PAOX: variants seen among roughly 807,000 people sequenced by gnomAD.
The protein encoded by PAOX is peroxisomal N(1)-acetyl-spermine/spermidine oxidase.
Under a neutral mutation model 39.0 loss-of-function variants are expected in PAOX, and 38 were observed. The observed-to-expected ratio is 0.97, with a 90% CI of 0.75 to 1.28. The LOEUF (loss-of-function observed/expected upper bound fraction) is 1.28, where lower values mean the gene tolerates loss of function less well. Ranked by LOEUF, PAOX falls within the 50% of genes most tolerant of loss-of-function variation. The pLI is 0.00. For synonymous variants in PAOX, 311 were observed against 314.4 expected, an observed-to-expected ratio of 0.99 and a Z score of 0.11; for missense variants, 667 against 685.7, an observed-to-expected ratio of 0.97 and a Z score of 0.30.
rs1200810311 is a variant in PAOX at position 133,384,600 on chromosome 10, G to A, written c.1121+388G>A. ...CTTAAATGGGATGAAATAATTGAAG[G>A]AAACATTCCGAGAAGTAATGGAATG... On this transcript the variant is annotated intron_variant, in intron 4 of 6. Transcript: ENST00000278060. The surrounding 1 kb of genome is among the most constrained non-coding windows in gnomAD (Gnocchi z 4.3). Among the ~76,000 whole-genome samples the A allele has an allele frequency of 6.6e-6, 1 of 152,176 alleles. No individual in the cohort carries two copies. Among genetic ancestry groups the A allele is most frequent in the Non-Finnish European group, 1.5e-5 (1 of 68,034 alleles).
intron 6 of PAOX, 148 bp downstream of exon 6, chr10:133,389,895 T>C (rs896019778): frequency 1.6e-4 from 147 of 929,174 alleles, no homozygotes; most frequent in Non-Finnish European, 2.2e-4. Flanking sequence ...GAATAATTTT[T>C]AAATGTACTG....
chr10:133,383,710 A>G (rs7899476), intron 3 of PAOX, among the ~76,000 whole-genome samples: 12,139 of 152,278 alleles, frequency 0.08, 711 homozygotes, highest in African/African-American at 0.16. Flanking sequence ...TTGGGAGGCC[A>G]AAGTGGGAGG....
chr10:133,380,152 C>T lies in PAOX; in HGVS notation c.335C>T (p.Ser112Phe). 1.2e-6 allele frequency: 2 copies of T among 1,603,618 alleles called. No individual in the cohort carries two copies. The highest frequency in any genetic ancestry group is 1.7e-6 in the Non-Finnish European group (2 of 1,174,228). The change falls in exon 2 of 7, where the codon TCC becomes TTC. Residue 112 changes from serine (S) to phenylalanine (F), a missense_variant. Physicochemically the swap from Ser to Phe is radical, Grantham distance 155 (BLOSUM62 -2). Transcript: ENST00000278060. ...ACCGGGGGTCACGTGGGCCTGCCCTCCGTGAGCTACGCCAGCTCCGGGGCC... is the reference window on the plus strand; with the variant it reads ...ACCGGGGGTCACGTGGGCCTGCCCTTCGTGAGCTACGCCAGCTCCGGGGCC... ...VETGGHVGLP[S>F]VSYASSGASV...
In PAOX at chr10:133,379,348, C is replaced by T; in HGVS notation, c.32C>T (p.Pro11Leu). 1 of 1,217,918 alleles carries T rather than the reference C, an allele frequency of 8.2e-7. No individual in the cohort carries two copies. 75.4% of individuals were successfully genotyped at this position (1,217,918 alleles called of 1,614,324 possible). Residue 11 changes from proline to leucine, a missense_variant, in exon 1 of 7, where the codon CCG becomes CTG. Physicochemically the swap from Pro to Leu is moderately conservative, Grantham distance 98. Coordinates refer to ENST00000278060, the MANE Select transcript of PAOX (RefSeq NM_152911.4). ...TCGACCGGCAGCGTCGGGGAGGCCC[C>T]GGGCGGACCCCGGGTGCTGGTGGTG... MESTGSVGEA[P>L]GGPRVLVVGG...
At chr10:133,390,126 T>C (rs74164173) in intron 6 of PAOX, among the ~76,000 whole-genome samples, 1 of 151,924 alleles carries the variant, frequency 6.6e-6, no homozygotes, top group Non-Finnish European at 1.5e-5. Flanking sequence ...CATACTAAAG[T>C]AGGGAGAACC....
intron 5 of PAOX, 98 bp downstream of exon 5, chr10:133,389,166 T>C: frequency 1.0e-6 from 1 of 971,702 alleles, no homozygotes; most frequent in South Asian, 1.3e-5. Flanking sequence ...AAACTAAATT[T>C]GGCTGACTCT....
intron 3 of PAOX, among the ~76,000 whole-genome samples, chr10:133,383,341 G>A (rs1324803874): frequency 2.0e-5 from 3 of 152,148 alleles, no homozygotes; most frequent in Non-Finnish European, 4.4e-5. Context: ...GGTGGCTCAC[G>A]CCTGTAATCC....
rs1849484888 is a variant in PAOX, at chr10:133,384,549, A to G, written c.1121+337A>G. Among the ~76,000 whole-genome samples the G allele has an allele frequency of 6.6e-6, 1 of 152,204 alleles. No homozygotes were observed. ...AGATACAGAAGAACTTTGAAACACC[A>G]TCTGCCCATACGTGGGGAGACAATA... On this transcript the variant is annotated intron_variant, in intron 4 of 6. Coordinates refer to ENST00000278060, the MANE Select transcript of PAOX (RefSeq NM_152911.4). This position sits in a 1 kb window ranked among gnomAD's most constrained non-coding sequence, Gnocchi z 4.3.
intron 4 of PAOX, among the ~76,000 whole-genome samples, chr10:133,385,521 T>A (rs1374226126): frequency 1.3e-5 from 2 of 152,172 alleles, no homozygotes; most frequent in Non-Finnish European, 2.9e-5. Flanking sequence ...TGCAAAGGGT[T>A]GGGGATCTCA....
Position 133,380,328 on chromosome 10 carries a change from A to G in PAOX, c.511A>G (p.Thr171Ala), listed in dbSNP as rs1589890426. The G allele has an allele frequency of 6.2e-7, 1 of 1,612,764 alleles. No homozygotes were observed. Among genetic ancestry groups the G allele is most frequent in the Non-Finnish European group, 8.5e-7 (1 of 1,180,028 alleles). The stretch of plus-strand genomic sequence containing the variant: ...GATTGGCCAGCACGTGGCCGGCTGG[A>G]CAGAGGATGAGGAGACCAGGAAGCT... ...KEIGQHVAGWTEDEETRKLKL... is the reference protein window; with the variant it reads ...KEIGQHVAGWAEDEETRKLKL... Residue 171 changes from threonine (T) to alanine (A), a missense_variant, in exon 2 of 7, where the codon ACA becomes GCA. Physicochemically the swap from Thr to Ala is moderately conservative, Grantham distance 58. Transcript: ENST00000278060.
At chr10:133,390,730 T>G (rs1360802296) in intron 6 of PAOX, 6 of 560,604 alleles carry the variant, frequency 1.1e-5, no homozygotes, top group South Asian at 8.8e-5. Context: ...AAATGTTGCT[T>G]CTTGAGTTTT....
intron 4 of PAOX, among the ~76,000 whole-genome samples, chr10:133,386,901 A>T (rs191235507): frequency 2.0e-4 from 30 of 152,342 alleles, no homozygotes; most frequent in African/African-American, 5.8e-4. Flanking sequence ...ACACCAGTGA[A>T]TTTTTTGTCT....
In PAOX at chr10:133,384,667, T is replaced by C. The variant is rs1406724207; in HGVS notation, c.1121+455T>C. Among the ~76,000 whole-genome samples, 8 of 152,204 alleles carry C rather than the reference T, an allele frequency of 5.3e-5. No homozygotes were observed. The highest frequency in any genetic ancestry group is 7.4e-5 in the Non-Finnish European group (5 of 68,024). On this transcript the variant is annotated intron_variant, in intron 4 of 6. Transcript: ENST00000278060. This position sits in a 1 kb window ranked among gnomAD's most constrained non-coding sequence, Gnocchi z 4.3. ...AGGGCTCCCTTGTATGGGCTGGCCCTCTTAGAAACAGCATATCTAGACCAC... is the reference window on the plus strand; with the variant it reads ...AGGGCTCCCTTGTATGGGCTGGCCCCCTTAGAAACAGCATATCTAGACCAC...
At chr10:133,381,740 G>A (rs982635467) in intron 3 of PAOX, 81 bp downstream of exon 3, 172 of 1,406,980 alleles carry the variant, frequency 1.2e-4, no homozygotes, top group Non-Finnish European at 1.2e-4. Context: ...GCTCTGGGGC[G>A]TTTGCTTGTG....
chr10:133,379,795 C>T (rs1048073629), intron 1 of PAOX: 10 of 661,988 alleles, frequency 1.5e-5, no homozygotes, highest in Admixed American at 7.4e-5. Context: ...CTCTGGTCCA[C>T]ACCGCCCGAC....
At chr10:133,389,462 C>T in intron 5 of PAOX, 128 bp from the exon 6 acceptor site, 2 of 1,361,812 alleles carry the variant, frequency 1.5e-6, no homozygotes, top group Admixed American at 1.9e-5. Flanking sequence ...CTGACACACT[C>T]TGCTGCTCAC....
Position 133,391,293 on chromosome 10 carries a change from C to T in PAOX, c.1393-19C>T, listed in dbSNP as rs1344469572. ...TGTCTGAATTGCATCCCCATTCTAA[C>T]CCTGGCTCTTCTTTGCAGCTCCAGA... On this transcript the variant is annotated intron_variant, in intron 6 of 6. Transcript: ENST00000278060. 6.2e-7 allele frequency: 1 copy of T among 1,610,798 alleles called. No homozygotes were observed. Among genetic ancestry groups the T allele is most frequent in the Non-Finnish European group, 8.5e-7 (1 of 1,177,602 alleles).
chr10:133,379,484 G>T lies in PAOX; in HGVS notation c.168G>T (p.Ser56=), dbSNP rs1849290152. Residue 56 remains serine (S), a synonymous_variant, in exon 1 of 7, where the codon TCG becomes TCT. Coordinates refer to ENST00000278060, the MANE Select transcript of PAOX (RefSeq NM_152911.4). ...ATARAGGRIR[S]ERCFGGVVEV... ...CCCGCGCCGGGGGCCGCATCCGCTC[G>T]GAGCGCTGCTTCGGTAACCGCCCCT... 2 of 1,225,540 alleles carry T rather than the reference G, an allele frequency of 1.6e-6. No individual in the cohort carries two copies. The highest frequency in any genetic ancestry group is 1.6e-5 in the African/African-American group (1 of 63,956). The allele number at this position is 1,225,540 out of a possible 1,614,324, so 75.9% of individuals were successfully genotyped here. A position where few individuals can be genotyped will look rare whatever the true frequency, so the allele number is the denominator to read the frequency against.
Position 133,384,228 on chromosome 10 carries a change from G to T in PAOX, c.1121+16G>T. On this transcript the variant is annotated intron_variant, in intron 4 of 6. Coordinates refer to ENST00000278060, the MANE Select transcript of PAOX (RefSeq NM_152911.4). The surrounding 1 kb of genome is among the most constrained non-coding windows in gnomAD (Gnocchi z 4.3). ...CTGCCTTTGCGTACGTTTGCTCCCT[G>T]AGAAGTTCTGCGAGTGGCTGGCTCA... The T allele has an allele frequency of 6.2e-7, 1 of 1,609,778 alleles. No individual in the cohort carries two copies. The highest frequency in any genetic ancestry group is 1.1e-5 in the South Asian group (1 of 90,892).
Sources: allele counts gnomAD v4.1 joint callset (sites outside exome capture counted in the v4.1 genomes callset), GRCh38; gene constraint gnomAD v4.1.1; non-coding constraint Gnocchi (gnomAD v3.1); transcripts MANE v1.5; gene names NCBI Gene and HGNC (gene_info 2026-07-23, HGNC 2026-07-21).